PDZD8: variants seen among roughly 807,000 people sequenced by gnomAD.
The protein encoded by PDZD8 is PDZ domain-containing protein 8.
Under a neutral mutation model 85.8 loss-of-function variants are expected in PDZD8, and 14 were observed. The observed-to-expected ratio is 0.16, with a 90% CI of 0.11 to 0.26. The LOEUF (loss-of-function observed/expected upper bound fraction) is 0.26, where lower values mean the gene tolerates loss of function less well. Among genes scored for constraint, PDZD8 ranks in the 10% least tolerant of loss-of-function variants. The pLI is 1.00. For synonymous variants in PDZD8, 592 were observed against 568.6 expected (o/e 1.04, Z -0.59); for missense variants, 1,197 against 1,424.3 (o/e 0.84, Z 2.57).
At chr10:117,364,112 T>C (rs943937703) in intron 1 of PDZD8, among the ~76,000 whole-genome samples, 6 of 152,076 alleles carry the variant, frequency 3.9e-5, no homozygotes, top group Non-Finnish European at 8.8e-5. Flanking sequence ...ACTGTGCCAG[T>C]ATGGTGCCTG....
At chr10:117,350,351 G>A (rs1204197551) in intron 1 of PDZD8, among the ~76,000 whole-genome samples, 1 of 147,890 alleles carries the variant, frequency 6.8e-6, no homozygotes, top group Non-Finnish European at 1.5e-5. Flanking sequence ...TGCAACTTCT[G>A]CCTCCCGGAT....
At chr10:117,315,594 A>AC (rs1250088484) in intron 3 of PDZD8, among the ~76,000 whole-genome samples, 28 of 141,294 alleles carry the variant, frequency 2.0e-4, no homozygotes, top group African/African-American at 7.3e-4. Context: ...TCTCAAAAAA[A>AC]AAAAAAAAAA....
At chr10:117,288,381 T>C (rs1311380565) in intron 4 of PDZD8, among the ~76,000 whole-genome samples, 7 of 151,874 alleles carry the variant, frequency 4.6e-5, no homozygotes, top group Admixed American at 4.6e-4. Flanking sequence ...TATATTTATG[T>C]ACAGAAAAAA....
At chr10:117,298,183 GA>G (rs995314469) in intron 3 of PDZD8, among the ~76,000 whole-genome samples, 1 of 151,480 alleles carries the variant, frequency 6.6e-6, no homozygotes, top group Non-Finnish European at 1.5e-5. Flanking sequence ...GTGTCTGAAA[GA>G]AAAAAAATGT....
intron 2 of PDZD8, among the ~76,000 whole-genome samples, chr10:117,322,077 T>C (rs980512707): frequency 2.0e-5 from 3 of 152,210 alleles, no homozygotes; most frequent in African/African-American, 4.8e-5. Context: ...CGTTCAATTG[T>C]AATGAGTATT....
chr10:117,373,648 C>G (rs946837652), intron 1 of PDZD8, among the ~76,000 whole-genome samples: 1 of 148,256 alleles, frequency 6.7e-6, no homozygotes, highest in African/African-American at 2.5e-5. Context: ...GGCGTGGTGC[C>G]ATACGCCTGT....
intron 4 of PDZD8, among the ~76,000 whole-genome samples, chr10:117,286,229 C>T (rs1844661519): frequency 6.6e-6 from 1 of 152,218 alleles, no homozygotes; most frequent in Non-Finnish European, 1.5e-5. Context: ...CTTTCCACCT[C>T]TGTCTCCCAG....
chr10:117,332,499 GGTTTT>G (rs1176804859), intron 2 of PDZD8, among the ~76,000 whole-genome samples: 2 of 109,302 alleles, frequency 1.8e-5, no homozygotes, highest in African/African-American at 6.7e-5. Flanking sequence ...ATTCTGTAAG[GGTTTT>G]TTTTTTTTTT....
chr10:117,353,677 T>C (rs1159606950), intron 1 of PDZD8, among the ~76,000 whole-genome samples: 2 of 136,786 alleles, frequency 1.5e-5, no homozygotes, highest in African/African-American at 5.6e-5. Context: ...TTCAAAATAA[T>C]CGGGGGAGGG....
At chr10:117,346,372 T>C (rs1222335398) in intron 1 of PDZD8, among the ~76,000 whole-genome samples, 4 of 152,052 alleles carry the variant, frequency 2.6e-5, no homozygotes, top group African/African-American at 4.8e-5. Flanking sequence ...AACCACCTGA[T>C]TGAATTTCCT....
At chr10:117,359,154 C>T (rs1294399571) in intron 1 of PDZD8, among the ~76,000 whole-genome samples, 1 of 152,116 alleles carries the variant, frequency 6.6e-6, no homozygotes, top group Non-Finnish European at 1.5e-5. Context: ...GTGGCTGATG[C>T]CTGTAATCCC....
Position 117,285,423 on chromosome 10 carries a change from G to A in PDZD8, c.1310C>T (p.Ala437Val). Reference sequence around the variant, plus strand: ...ATAGTACACCAGGACTCGGTCACCAGCCTGCTTGATAAGCTTCAACACTTG... The same window carrying A: ...ATAGTACACCAGGACTCGGTCACCAACCTGCTTGATAAGCTTCAACACTTG... ...TLQVLKLIKQAGDRVLVYYER... is the reference protein window; with the variant it reads ...TLQVLKLIKQVGDRVLVYYER... Residue 437 changes from alanine to valine, a missense_variant, in exon 5 of 5, where the codon GCT becomes GTT. This residue lies in a region of PDZD8 where 344 missense variants were observed against 453.6 expected (regional missense o/e 0.76). Transcript: ENST00000334464. The A allele has an allele frequency of 1.2e-6, 2 of 1,612,476 alleles. No homozygotes were observed. The highest frequency in any genetic ancestry group is 1.7e-6 in the Non-Finnish European group (2 of 1,178,640).
chr10:117,368,793 A>C (rs992041488), intron 1 of PDZD8, among the ~76,000 whole-genome samples: 10 of 151,834 alleles, frequency 6.6e-5, no homozygotes, highest in African/African-American at 2.4e-4. Flanking sequence ...TTGCATTTCA[A>C]GGCATTTTTT....
chr10:117,312,588 G>A (rs1844057308), intron 3 of PDZD8, among the ~76,000 whole-genome samples: 2 of 152,122 alleles, frequency 1.3e-5, no homozygotes, highest in African/African-American at 4.8e-5. Context: ...GACCTTTTAA[G>A]TATTCTTTTA....
intron 1 of PDZD8, among the ~76,000 whole-genome samples, chr10:117,360,200 G>A (rs1229110000): frequency 6.6e-6 from 1 of 152,174 alleles, no homozygotes. Flanking sequence ...GTGACTAAAA[G>A]ATGAGTCAAT....
intron 1 of PDZD8, among the ~76,000 whole-genome samples, chr10:117,370,954 T>TGTGTGTGTGTGTGTG: frequency 9.9e-6 from 1 of 101,176 alleles, no homozygotes; most frequent in South Asian, 3.4e-4. Context: ...GTGTGTGTGT[T>TGTGTGTGTGTGTGTG]TAAAGGTGGC....
chr10:117,341,250 C>CA (rs1844607374), intron 1 of PDZD8, 148 bp from the exon 2 acceptor site: 1 of 817,482 alleles, frequency 1.2e-6, no homozygotes, highest in Non-Finnish European at 1.8e-6. Context: ...CACACTCCCC[C>CA]ATAACTGGCA....
chr10:117,284,945 T>C lies in PDZD8; in HGVS notation c.1788A>G (p.Gln596=), dbSNP rs1844634701. The change falls in exon 5 of 5, where the codon CAA becomes CAG. Residue 596 remains glutamine (Q), a synonymous_variant. Transcript: ENST00000334464. ...AFKPPVPPRP[Q]AKVPLPSADA... ...CGGCGGAAGGCAAAGGAACTTTCGC[T>C]TGTGGTCGTGGTGGCACAGGTGGTT... The C allele has an allele frequency of 1.2e-6, 2 of 1,614,036 alleles. No homozygotes were observed. Among genetic ancestry groups the C allele is most frequent in the African/African-American group, 1.3e-5 (1 of 74,906 alleles).
intron 3 of PDZD8, among the ~76,000 whole-genome samples, chr10:117,302,890 T>G (rs1349942180): frequency 1.3e-5 from 2 of 152,258 alleles, no homozygotes; most frequent in African/African-American, 4.8e-5. Flanking sequence ...GGCATGATTC[T>G]GAGGCCTCCC....
Sources: allele counts gnomAD v4.1 joint callset (sites outside exome capture counted in the v4.1 genomes callset), GRCh38; gene constraint gnomAD v4.1.1; regional missense constraint gnomAD v4.1.1; transcripts MANE v1.5; gene names NCBI Gene and HGNC (gene_info 2026-07-23, HGNC 2026-07-21).